KCNAB2: variants seen among roughly 807,000 people sequenced by gnomAD.
KCNAB2 encodes voltage-gated potassium channel subunit beta-2.
KCNAB2 carries 29 observed loss-of-function variants against 63.6 expected under a neutral mutation model. That is an observed-to-expected ratio of 0.46 (90% CI 0.34 to 0.62). KCNAB2 has a LOEUF of 0.62. KCNAB2 is among the 20% of genes least tolerant of loss of function. The pLI, the probability that KCNAB2 is intolerant of heterozygous loss-of-function variation, is 0.01. For missense variants in KCNAB2, 359 were observed against 563.9 expected (o/e 0.64, Z 3.68); for synonymous variants, 222 against 224.2 (o/e 0.99, Z 0.09).
chr1:6,006,958 C>T (rs568955300), intron 1 of KCNAB2, among the ~76,000 whole-genome samples: 3 of 152,196 alleles, frequency 2.0e-5, no homozygotes, highest in East Asian at 1.9e-4. Context: ...TGGGGAAGGA[C>T]GGTAAACAGT....
At chr1:6,084,468 C>T (rs1177428319) in intron 5 of KCNAB2, among the ~76,000 whole-genome samples, 1 of 152,238 alleles carries the variant, frequency 6.6e-6, no homozygotes, top group Non-Finnish European at 1.5e-5. Context: ...ACCCTGAGTA[C>T]ATGTTGATTG....
At chr1:6,020,729 C>T (rs1387079759) in intron 1 of KCNAB2, among the ~76,000 whole-genome samples, 2 of 152,134 alleles carry the variant, frequency 1.3e-5, no homozygotes, top group Non-Finnish European at 2.9e-5. Flanking sequence ...TGCAATAGTG[C>T]GATCTCGGCT....
chr1:6,083,104 G>A lies in KCNAB2; in HGVS notation c.380+830G>A, dbSNP rs535577146. 3.9e-5 allele frequency among the ~76,000 whole-genome samples: 6 copies of A among 152,160 alleles called. No homozygotes were observed. In the South Asian group the frequency reaches 6.2e-4, roughly 16 times the overall value. Reference sequence around the variant, plus strand: ...GGGCTGCCGCTGGGACCCTCAAACCGCCTCCAGCCCCCATCTGCAGCCCTT... The same window carrying A: ...GGGCTGCCGCTGGGACCCTCAAACCACCTCCAGCCCCCATCTGCAGCCCTT... On this transcript the variant is annotated intron_variant, in intron 5 of 15. Coordinates refer to ENST00000378083, the MANE Select transcript of KCNAB2 (RefSeq NM_001199862.2).
Position 6,074,735 on chromosome 1 carries a change from G to A in KCNAB2, c.300+965G>A, listed in dbSNP as rs1274135990. 2.0e-5 allele frequency among the ~76,000 whole-genome samples: 3 copies of A among 152,114 alleles called. No homozygotes were observed. Among genetic ancestry groups the A allele is most frequent in the African/African-American group, 4.8e-5 (2 of 41,414 alleles). On this transcript the variant is annotated intron_variant, in intron 4 of 15. Transcript: ENST00000378083. The surrounding 1 kb of genome is among the most constrained non-coding windows in gnomAD (Gnocchi z 4.9). ...AGCACTTTGGAAGGCTGGGGCGGGC[G>A]GATCACCTGAGGTCAGGAGTTCCAG...
At position 6,096,269 on chromosome 1, in the gene KCNAB2, C is replaced by A; in HGVS notation, c.949-367C>A. ...GGGGATGGCCAGGGGAGAGAGCACTCCCCTAGGGCCAGGAGGTTCTTCTGG... is the reference window on the plus strand; with the variant it reads ...GGGGATGGCCAGGGGAGAGAGCACTACCCTAGGGCCAGGAGGTTCTTCTGG... On this transcript the variant is annotated intron_variant, in intron 13 of 15. Coordinates refer to ENST00000378083, the MANE Select transcript of KCNAB2 (RefSeq NM_001199862.2). The surrounding 1 kb of genome is among the most constrained non-coding windows in gnomAD (Gnocchi z 5.9). 2.6e-6 allele frequency: 1 copy of A among 390,780 alleles called. No individual in the cohort carries two copies. Among genetic ancestry groups the A allele is most frequent in the Admixed American group, 3.4e-5 (1 of 28,988 alleles). The allele number at this position is 390,780 out of a possible 1,614,324, so 24.2% of individuals were successfully genotyped here. A position where few individuals can be genotyped will look rare whatever the true frequency, so the allele number is the denominator to read the frequency against.
At chr1:6,019,716 C>T (rs1460548624) in intron 1 of KCNAB2, among the ~76,000 whole-genome samples, 2 of 152,240 alleles carry the variant, frequency 1.3e-5, no homozygotes, top group Non-Finnish European at 2.9e-5. Context: ...AGCCCACGTG[C>T]AGCACGTGCT....
rs558798394 is a variant in KCNAB2, at chr1:6,078,281, G to T, written c.301-3914G>T. Among the ~76,000 whole-genome samples the T allele has an allele frequency of 6.6e-6, 1 of 152,344 alleles. No individual in the cohort carries two copies. Among genetic ancestry groups the T allele is most frequent in the African/African-American group, 2.4e-5 (1 of 41,572 alleles). The stretch of plus-strand genomic sequence containing the variant: ...TGTGATGGCACTGAGGGCCCACTTA[G>T]CTAAGCCAGGACATTCTCCCCACTG... On this transcript the variant is annotated intron_variant, in intron 4 of 15. Transcript: ENST00000378083. This position sits in a 1 kb window ranked among gnomAD's most constrained non-coding sequence, Gnocchi z 4.2.
Position 6,099,513 on chromosome 1 carries a change from G to A in KCNAB2, c.*939G>A, listed in dbSNP as rs939603025. On this transcript the variant is annotated 3_prime_UTR_variant, in exon 16 of 16. Transcript: ENST00000378083. The stretch of plus-strand genomic sequence containing the variant: ...GCACGGTGGCTGCTGGCCACACCAC[G>A]GCAAGTGGCAGCAGGGGCCGGCCCT... 5.0e-5 allele frequency: 17 copies of A among 339,128 alleles called. No homozygotes were observed. Among genetic ancestry groups the A allele is most frequent in the Admixed American group, 8.9e-5 (2 of 22,454 alleles). 21.0% of individuals were successfully genotyped at this position (339,128 alleles called of 1,614,324 possible).
chr1:6,056,191 C>T (rs1180592621), intron 2 of KCNAB2, among the ~76,000 whole-genome samples: 7 of 152,018 alleles, frequency 4.6e-5, no homozygotes, highest in African/African-American at 7.3e-5. Context: ...ACTACAGGCG[C>T]GAGCCACCAT....
At chr1:6,041,799 C>T (rs1288267742), upstream of KCNAB2, 1 of 1,602,934 alleles carries the variant, frequency 6.2e-7, no homozygotes. Flanking sequence ...CTCCCTTTCT[C>T]CTTTTTCTCT....
chr1:6,028,609 G>T lies in KCNAB2; in HGVS notation c.-52-11908G>T, dbSNP rs1570895636. Among the ~76,000 whole-genome samples the T allele has an allele frequency of 6.6e-6, 1 of 152,328 alleles. No individual in the cohort carries two copies. Among genetic ancestry groups the T allele is most frequent in the East Asian group, 1.9e-4 (1 of 5,182 alleles). ...ATGCTGGTGGCCGCTCTGGGTGCGG[G>T]GGTACATCCGTGAAGGAAAGAGATG... On this transcript the variant is annotated intron_variant, in intron 1 of 16. Transcript: ENST00000341524. This position sits in a 1 kb window ranked among gnomAD's most constrained non-coding sequence, Gnocchi z 4.0.
intron 2 of KCNAB2, among the ~76,000 whole-genome samples, chr1:6,064,108 G>GTC (rs1008029615): frequency 6.6e-6 from 1 of 152,224 alleles, no homozygotes; most frequent in Non-Finnish European, 1.5e-5. Context: ...CAGAGAATGC[G>GTC]TAAGGAAGAG....
At position 6,098,663 on chromosome 1, in the gene KCNAB2, G is replaced by A; in HGVS notation, c.*89G>A. 1.3e-6 allele frequency: 2 copies of A among 1,501,274 alleles called. No individual in the cohort carries two copies. Among genetic ancestry groups the A allele is most frequent in the Admixed American group, 4.1e-5 (2 of 48,558 alleles). 93.0% of individuals were successfully genotyped at this position (1,501,274 alleles called of 1,614,324 possible). On this transcript the variant is annotated 3_prime_UTR_variant, in exon 16 of 16. Coordinates refer to ENST00000378083, the MANE Select transcript of KCNAB2 (RefSeq NM_001199862.2). ...GCTGTTTTGAAGCCAAGTGAAGAGT[G>A]TGGTTTGCATCCAAGAGAAAACACC...
rs1406800495 is a variant in KCNAB2 at position 6,071,184 on chromosome 1, G to A, written c.219-1571G>A. On this transcript the variant is annotated intron_variant, in intron 2 of 15. Coordinates refer to ENST00000378083, the MANE Select transcript of KCNAB2 (RefSeq NM_001199862.2). The surrounding 1 kb of genome is among the most constrained non-coding windows in gnomAD (Gnocchi z 8.5). ...CAGAATGAGGCTTGAGCCCCATGCC[G>A]CCTTCCCAGGGGCCAGGCTTGGACA... Among the ~76,000 whole-genome samples the A allele has an allele frequency of 2.0e-5, 3 of 152,158 alleles. No individual in the cohort carries two copies. Among genetic ancestry groups the A allele is most frequent in the South Asian group, 2.1e-4 (1 of 4,832 alleles).
At chr1:6,075,132 AT>A (rs1411818429) in intron 4 of KCNAB2, among the ~76,000 whole-genome samples, 2 of 152,182 alleles carry the variant, frequency 1.3e-5, no homozygotes, top group Admixed American at 6.5e-5. Context: ...TTCAATCTGA[AT>A]CAGCCTTGCC....
At chr1:6,080,177 G>A (rs897446398) in intron 4 of KCNAB2, among the ~76,000 whole-genome samples, 4 of 152,216 alleles carry the variant, frequency 2.6e-5, no homozygotes, top group African/African-American at 7.2e-5. Context: ...GGGGCCCAGC[G>A]CACCGTGCCC....
chr1:6,094,133 C>A (rs906998276), intron 10 of KCNAB2, among the ~76,000 whole-genome samples: 1 of 152,152 alleles, frequency 6.6e-6, no homozygotes, highest in African/African-American at 2.4e-5. Flanking sequence ...CCATCCATAA[C>A]CCATTTTTCA....
intron 4 of KCNAB2, among the ~76,000 whole-genome samples, chr1:6,077,935 G>C (rs144003123): frequency 6.6e-6 from 1 of 152,228 alleles, no homozygotes; most frequent in Non-Finnish European, 1.5e-5. Context: ...CCACCAATGC[G>C]CGGCTGAAAA....
Position 6,069,616 on chromosome 1 carries a change from ATC to A in KCNAB2, c.219-3135_219-3134del, listed in dbSNP as rs1346285231. On this transcript the variant is annotated intron_variant, in intron 2 of 15. Transcript: ENST00000378083. The surrounding 1 kb of genome is among the most constrained non-coding windows in gnomAD (Gnocchi z 5.4). Reference sequence around the variant, plus strand: ...ATGGGGAAGAAATCGGTAGAAAATGATCTCTGTGTCTGGGAAGTTTCAAGTAC... The same window carrying A: ...ATGGGGAAGAAATCGGTAGAAAATGATCTGTGTCTGGGAAGTTTCAAGTAC... Among the ~76,000 whole-genome samples, 2 of 152,162 alleles carry A rather than the reference ATC, an allele frequency of 1.3e-5. No individual in the cohort carries two copies. Among genetic ancestry groups the A allele is most frequent in the African/African-American group, 2.4e-5 (1 of 41,430 alleles).
Sources: allele counts gnomAD v4.1 joint callset (sites outside exome capture counted in the v4.1 genomes callset), GRCh38; gene constraint gnomAD v4.1.1; non-coding constraint Gnocchi (gnomAD v3.1); transcripts MANE v1.5; gene names NCBI Gene and HGNC (gene_info 2026-07-23, HGNC 2026-07-21).